Variants in GALNT2 observed in about 807,000 individuals in gnomAD.
GALNT2 encodes the protein UDP-GalNAc:polypeptide N-acetylgalactosaminyltransferase 2.
Under a neutral mutation model 81.4 loss-of-function variants are expected in GALNT2, and 31 were observed. The observed-to-expected ratio is 0.38, with a 90% CI of 0.29 to 0.51. GALNT2 has a LOEUF of 0.51. Ranked by LOEUF, GALNT2 falls within the 20% of genes least tolerant of loss-of-function variation. The probability of loss-of-function intolerance (pLI) is 0.87; values close to 1 mark genes in which losing one functional copy is unlikely to be tolerated. For missense variants in GALNT2, 629 were observed against 765.7 expected, an observed-to-expected ratio of 0.82 and a Z score of 2.11; for synonymous variants, 303 against 287.4, an observed-to-expected ratio of 1.05 and a Z score of -0.55.
intron 2 of GALNT2, among the ~76,000 whole-genome samples, chr1:230,194,667 C>T (rs1181598028): frequency 3.9e-5 from 6 of 152,182 alleles, no homozygotes; most frequent in Non-Finnish European, 5.9e-5. Context: ...GATGCAGCTG[C>T]GAGGTGGCCA....
At chr1:230,087,106 TG>T (rs1364732032) in intron 1 of GALNT2, among the ~76,000 whole-genome samples, 1 of 152,174 alleles carries the variant, frequency 6.6e-6, no homozygotes, top group African/African-American at 2.4e-5. Flanking sequence ...GTATTTCACC[TG>T]GGAAGGTCCT....
chr1:230,076,259 G>A (rs1177283061), intron 1 of GALNT2, among the ~76,000 whole-genome samples: 1 of 152,208 alleles, frequency 6.6e-6, no homozygotes, highest in Non-Finnish European at 1.5e-5. Flanking sequence ...TGATTCCTGA[G>A]CTGACTTCTG....
chr1:230,200,662 C>G (rs1663863487), intron 2 of GALNT2, among the ~76,000 whole-genome samples: 1 of 152,190 alleles, frequency 6.6e-6, no homozygotes, highest in African/African-American at 2.4e-5. Flanking sequence ...TGTGCAGAGG[C>G]CTTATCCCAT....
chr1:230,199,151 G>A (rs1175678941), intron 2 of GALNT2, among the ~76,000 whole-genome samples: 1 of 152,142 alleles, frequency 6.6e-6, no homozygotes, highest in African/African-American at 2.4e-5. Context: ...ACAAGATGAT[G>A]TATGGATGAC....
intron 6 of GALNT2, among the ~76,000 whole-genome samples, chr1:230,240,183 C>T (rs1172255251): frequency 6.6e-6 from 1 of 152,154 alleles, no homozygotes; most frequent in African/African-American, 2.4e-5. Flanking sequence ...AATTTTTTCT[C>T]ATAGGCAGCA....
chr1:230,121,948 CTTTT>C, intron 1 of GALNT2, among the ~76,000 whole-genome samples: 1 of 104,012 alleles, frequency 9.6e-6, no homozygotes, highest in East Asian at 2.6e-4. Flanking sequence ...TACTGTTATG[CTTTT>C]TTTTTTTTTT....
chr1:230,255,404 C>A, intron 11 of GALNT2, 60 bp downstream of exon 11: 1 of 1,609,674 alleles, frequency 6.2e-7, no homozygotes, highest in Non-Finnish European at 8.5e-7. Flanking sequence ...AAAGCAGGAC[C>A]TGACCTTGGG....
chr1:230,259,303 T>G (rs1184699307), intron 11 of GALNT2, among the ~76,000 whole-genome samples: 1 of 152,218 alleles, frequency 6.6e-6, no homozygotes, highest in Non-Finnish European at 1.5e-5. Flanking sequence ...AGTACAAAAT[T>G]TGTTTGTTTT....
chr1:230,232,200 A>G (rs781188710), intron 3 of GALNT2, among the ~76,000 whole-genome samples: 1 of 152,040 alleles, frequency 6.6e-6, no homozygotes, highest in Non-Finnish European at 1.5e-5. Context: ...ACATACACAC[A>G]CTCACTCTAA....
intron 1 of GALNT2, among the ~76,000 whole-genome samples, chr1:230,124,304 G>A (rs530245037): frequency 6.6e-6 from 1 of 152,288 alleles, no homozygotes; most frequent in South Asian, 2.1e-4. Flanking sequence ...TCTTAAGCAT[G>A]TTGTGTGCTG....
chr1:230,165,190 A>G (rs1050821293), intron 1 of GALNT2, among the ~76,000 whole-genome samples: 1 of 152,238 alleles, frequency 6.6e-6, no homozygotes, highest in African/African-American at 2.4e-5. Flanking sequence ...TTTTTATTCC[A>G]GTGCCTTTCA....
intron 1 of GALNT2, among the ~76,000 whole-genome samples, chr1:230,130,695 G>T (rs569527783): frequency 2.0e-5 from 3 of 152,350 alleles, no homozygotes; most frequent in African/African-American, 7.2e-5. Context: ...TGGGATTTCT[G>T]CTGATCAAGA....
intron 1 of GALNT2, among the ~76,000 whole-genome samples, chr1:230,093,964 A>G (rs749272647): frequency 2.0e-5 from 3 of 151,808 alleles, no homozygotes; most frequent in Admixed American, 6.6e-5. Flanking sequence ...CCTTAGCTTC[A>G]TCCCTTCTTA....
At chr1:230,241,544 T>G (rs1056301461) in intron 6 of GALNT2, among the ~76,000 whole-genome samples, 1 of 152,108 alleles carries the variant, frequency 6.6e-6, no homozygotes, top group Non-Finnish European at 1.5e-5. Context: ...CCTCCTGGGT[T>G]CAAGCAATTC....
intron 1 of GALNT2, among the ~76,000 whole-genome samples, chr1:230,059,965 C>T (rs868263452): frequency 1.3e-5 from 2 of 152,290 alleles, no homozygotes; most frequent in African/African-American, 2.4e-5. Flanking sequence ...ATACTATTTA[C>T]CATAGTGTAC....
At chr1:230,072,627 A>G (rs1659409816) in intron 1 of GALNT2, among the ~76,000 whole-genome samples, 1 of 152,220 alleles carries the variant, frequency 6.6e-6, no homozygotes. Flanking sequence ...GCTGAGCCGT[A>G]CAAGTCAGTG....
chr1:230,066,969 G>C (rs181092443), upstream of GALNT2, among the ~76,000 whole-genome samples: 1 of 149,676 alleles, frequency 6.7e-6, no homozygotes, highest in Non-Finnish European at 1.5e-5. Flanking sequence ...ATGGAGACGC[G>C]GCAGTCCCCT....
In GALNT2 at chr1:230,120,247, G is replaced by GT. The variant is rs377499425; in HGVS notation, c.126+52842dup. 1.6e-3 allele frequency among the ~76,000 whole-genome samples: 248 copies of GT among 152,284 alleles called. 1 individual carries two copies. Among genetic ancestry groups the GT allele is most frequent in the African/African-American group, 5.6e-3 (231 of 41,550 alleles). ...GCAGCTGGTGTTGTAAGGTTACATA[G>GT]TAACAGTGTTAACCAGCTTGCCCTG... On this transcript the variant is annotated intron_variant, in intron 1 of 15. Transcript: ENST00000366672.
At chr1:230,278,411 C>T (rs1289107901) in intron 15 of GALNT2, among the ~76,000 whole-genome samples, 1 of 152,088 alleles carries the variant, frequency 6.6e-6, no homozygotes, top group South Asian at 2.1e-4. Flanking sequence ...TGTCGTGAGC[C>T]GCCTGCACTC....
Sources: allele counts gnomAD v4.1 joint callset (sites outside exome capture counted in the v4.1 genomes callset), GRCh38; gene constraint gnomAD v4.1.1; transcripts MANE v1.5; gene names NCBI Gene and HGNC (gene_info 2026-07-23, HGNC 2026-07-21).